COG5: variants seen among roughly 807,000 people sequenced by gnomAD.
The protein encoded by COG5 is component of oligomeric golgi complex 5.
COG5 carries 86 observed loss-of-function variants against 110.4 expected under a neutral mutation model. The observed-to-expected ratio is 0.78, with a 90% CI of 0.65 to 0.93. The LOEUF is 0.93. Ranked by LOEUF, COG5 falls within the 40% of genes least tolerant of loss-of-function variation. COG5 has a pLI of 0.00. For synonymous variants in COG5, 360 were observed against 334.6 expected (o/e 1.08, Z -0.83); for missense variants, 1,077 against 987.0 (o/e 1.09, Z -1.22).
intron 7 of COG5, among the ~76,000 whole-genome samples, chr7:107,385,952 T>C (rs1325251007): frequency 6.6e-6 from 1 of 151,652 alleles, no homozygotes. Context: ...TGGAGAAATA[T>C]CTATTTAAGT....
intron 19 of COG5, among the ~76,000 whole-genome samples, chr7:107,220,072 G>C (rs1799804729): frequency 6.6e-6 from 1 of 152,202 alleles, no homozygotes; most frequent in African/African-American, 2.4e-5. Context: ...GCAAAGCAAG[G>C]ATTCAAACCC....
In COG5 at chr7:107,353,575, G is replaced by A. The variant is rs370173914; in HGVS notation, c.1026+8458C>T. Among the ~76,000 whole-genome samples the A allele has an allele frequency of 5.3e-5, 8 of 152,012 alleles. No homozygotes were observed. In the East Asian group the frequency reaches 1.4e-3, roughly 26 times the overall value. Reference sequence around the variant, plus strand: ...ACAGGATAATTTTATAAGCTAGCCAGAGCATTTATTAATGCAGAAGCAGAA... The same window carrying A: ...ACAGGATAATTTTATAAGCTAGCCAAAGCATTTATTAATGCAGAAGCAGAA... On this transcript the variant is annotated intron_variant, in intron 10 of 21. Transcript: ENST00000297135.
chr7:107,545,656 T>C (rs889980502), intron 5 of COG5, among the ~76,000 whole-genome samples: 1 of 151,434 alleles, frequency 6.6e-6, no homozygotes, highest in African/African-American at 2.4e-5. Flanking sequence ...GGCGGGCACC[T>C]GTAATCCCAG....
At chr7:107,248,607 T>C in intron 16 of COG5, 108 bp from the exon 17 acceptor site, 1 of 748,044 alleles carries the variant, frequency 1.3e-6, no homozygotes, top group Non-Finnish European at 2.3e-6. Context: ...TCATATTATA[T>C]CAAATGCAGA....
intron 6 of COG5, among the ~76,000 whole-genome samples, chr7:107,448,347 T>C (rs1343467839): frequency 6.6e-6 from 1 of 152,188 alleles, no homozygotes; most frequent in East Asian, 1.9e-4. Flanking sequence ...TCACCAACCA[T>C]GTTTTTTCTT....
chr7:107,298,315 T>G lies in COG5; in HGVS notation c.1140A>C (p.Gly380=). 1 of 1,613,588 alleles carries G rather than the reference T, an allele frequency of 6.2e-7. No individual in the cohort carries two copies. Among genetic ancestry groups the G allele is most frequent in the Non-Finnish European group, 8.5e-7 (1 of 1,179,742 alleles). The change falls in exon 12 of 22, where the codon GGA becomes GGC. Residue 380 remains glycine (G), a synonymous_variant. Coordinates refer to ENST00000297135, the MANE Select transcript of COG5 (RefSeq NM_006348.5). ...AAAGACGTAATAATTTAGGGTATTC[T>G]CCTTCAAATGCCTGCTTCAAAAACA... ...SSMFLKQAFE[G]EYPKLLRLYN...
chr7:107,514,750 C>G (rs1038824000), intron 6 of COG5, among the ~76,000 whole-genome samples: 2 of 152,108 alleles, frequency 1.3e-5, no homozygotes, highest in East Asian at 1.9e-4. Context: ...TAGCACATAG[C>G]ACACATAGTA....
intron 6 of COG5, among the ~76,000 whole-genome samples, chr7:107,512,428 T>C (rs1045829209): frequency 6.6e-6 from 1 of 152,220 alleles, no homozygotes; most frequent in African/African-American, 2.4e-5. Context: ...CATTCCATGC[T>C]CATGGGTAGG....
At chr7:107,280,050 T>C in intron 14 of COG5, among the ~76,000 whole-genome samples, 1 of 152,100 alleles carries the variant, frequency 6.6e-6, no homozygotes, top group East Asian at 1.9e-4. Flanking sequence ...CTTAGCATTG[T>C]CAGTAATTAC....
chr7:107,512,663 T>C (rs1426818681), intron 6 of COG5, among the ~76,000 whole-genome samples: 6 of 152,178 alleles, frequency 3.9e-5, no homozygotes, highest in Non-Finnish European at 1.5e-5. Flanking sequence ...AAGGCTACAG[T>C]AACCAAAGCA....
chr7:107,242,091 C>G (rs1375118143), intron 17 of COG5, among the ~76,000 whole-genome samples: 1 of 152,198 alleles, frequency 6.6e-6, no homozygotes, highest in Non-Finnish European at 1.5e-5. Flanking sequence ...CTAGATTGAT[C>G]TTTTGACATT....
Position 107,529,024 on chromosome 7 carries a change from T to TTAA in COG5, c.418-1668_418-1667insTTA, listed in dbSNP as rs769481378. ...GAGAAACTAATCTGAAATACTTAAA[T>TTAA]AAAAAAAAAAAAAAAGGAATGCCAA... On this transcript the variant is annotated intron_variant, in intron 5 of 21. Coordinates refer to ENST00000297135, the MANE Select transcript of COG5 (RefSeq NM_006348.5). Among the ~76,000 whole-genome samples the TTAA allele has an allele frequency of 9.1e-4, 89 of 97,848 alleles. 1 individual carries two copies. The highest frequency in any genetic ancestry group is 4.4e-3 in the African/African-American group (88 of 20,078). The allele number at this position is 97,848 out of a possible 152,430, so 64.2% of individuals were successfully genotyped here.
intron 19 of COG5, among the ~76,000 whole-genome samples, chr7:107,211,579 T>G (rs1799180386): frequency 6.6e-6 from 1 of 152,220 alleles, no homozygotes; most frequent in Non-Finnish European, 1.5e-5. Flanking sequence ...TATTAACAGA[T>G]TCTTATCTTC....
At chr7:107,449,938 G>A (rs189288415) in intron 6 of COG5, 2 of 152,284 alleles carry the variant, frequency 1.3e-5, no homozygotes, top group East Asian at 3.9e-4. Flanking sequence ...GAGGTCATAT[G>A]ACAACTTAAA....
chr7:107,538,979 T>C (rs1183078597), intron 5 of COG5, among the ~76,000 whole-genome samples: 2 of 152,166 alleles, frequency 1.3e-5, no homozygotes, highest in Non-Finnish European at 2.9e-5. Flanking sequence ...ACTGGTTCTT[T>C]TGACTTTAAG....
intron 6 of COG5, among the ~76,000 whole-genome samples, chr7:107,526,626 G>A (rs1200205620): frequency 6.6e-6 from 1 of 151,934 alleles, no homozygotes; most frequent in East Asian, 1.9e-4. Context: ...ACCAAAAACT[G>A]GAAACAACAA....
chr7:107,368,442 TGA>T (rs1813824391), intron 8 of COG5, among the ~76,000 whole-genome samples: 1 of 151,948 alleles, frequency 6.6e-6, no homozygotes, highest in Non-Finnish European at 1.5e-5. Context: ...TGGTTATATA[TGA>T]GAGAGAGAGG....
At chr7:107,238,146 T>C (rs1801343813) in intron 17 of COG5, among the ~76,000 whole-genome samples, 1 of 152,156 alleles carries the variant, frequency 6.6e-6, no homozygotes, top group Non-Finnish European at 1.5e-5. Flanking sequence ...GACCAACATC[T>C]CTCTATTCCC....
Position 107,372,668 on chromosome 7 carries a change from A to T in COG5, c.762T>A (p.Ala254=), listed in dbSNP as rs758537285. 2 of 1,613,726 alleles carry T rather than the reference A, an allele frequency of 1.2e-6. No homozygotes were observed. Among genetic ancestry groups the T allele is most frequent in the Middle Eastern group, 3.3e-4 (2 of 6,058 alleles). Residue 254 remains alanine (A), a synonymous_variant, in exon 8 of 22, where the codon GCT becomes GCA. Transcript: ENST00000297135. ...TITSVVDGYC[A]TLEENINSAL... ...CACTGTTGATATTTTCTTCTAAAGT[A>T]GCACAATATCCATCCACAACACTGG...
Sources: gnomAD v4.1 joint callset for allele counts (sites outside exome capture counted in the v4.1 genomes callset) on GRCh38, gnomAD v4.1.1 for gene constraint, MANE v1.5 for transcripts, NCBI Gene and HGNC (gene_info 2026-07-23, HGNC 2026-07-21) for gene names.